CSMD1: variants seen among roughly 807,000 people sequenced by gnomAD.
The protein encoded by CSMD1 is CUB and Sushi multiple domains 1, also known as CUB and sushi domain-containing protein 1.
Under a neutral mutation model 417.5 loss-of-function variants are expected in CSMD1, and 213 were observed. That is an observed-to-expected ratio of 0.51 (90% CI 0.46 to 0.57). CSMD1 has a LOEUF of 0.57. CSMD1 is among the 20% of genes least tolerant of loss of function. The probability of loss-of-function intolerance (pLI) is 0.00; values close to 1 mark genes in which losing one functional copy is unlikely to be tolerated. For missense variants in CSMD1, 6,923 were observed against 4,529.7 expected, an observed-to-expected ratio of 1.53 and a Z score of -15.17; for synonymous variants, 2,862 against 1,736.8, an observed-to-expected ratio of 1.65 and a Z score of -16.11.
intron 40 of CSMD1, among the ~76,000 whole-genome samples, chr8:3,151,030 C>T (rs1043103180): frequency 2.6e-5 from 4 of 152,054 alleles, no homozygotes; most frequent in South Asian, 4.2e-4. Flanking sequence ...TTTAAAAAGC[C>T]TTCAGAATTA....
At chr8:4,396,025 T>A (rs1445703199) in intron 3 of CSMD1, among the ~76,000 whole-genome samples, 1 of 152,194 alleles carries the variant, frequency 6.6e-6, no homozygotes, top group African/African-American at 2.4e-5. Flanking sequence ...TTGTTCTAAT[T>A]CTATAGAAGG....
rs755657382 is a variant in CSMD1 at position 3,142,500 on chromosome 8, G to A, written c.6206C>T (p.Ser2069Leu). ...ETLIHFYSDH[S>L]QNRQGFKLAY... ...AAGTTTAAATCCTTGCCGGTTTTGC[G>A]AATGGTCACTATAAAAGTGGATGAG... Residue 2069 changes from serine to leucine, a missense_variant, in exon 41 of 70, where the codon TCG (serine) becomes TTG (leucine). Physicochemically the swap from Ser to Leu is moderately radical, Grantham distance 145. Coordinates refer to ENST00000635120, the MANE Select transcript of CSMD1 (RefSeq NM_033225.6). 2 of 1,613,920 alleles carry A rather than the reference G, an allele frequency of 1.2e-6. No homozygotes were observed. The highest frequency in any genetic ancestry group is 2.2e-5 in the East Asian group (1 of 44,876).
chr8:3,680,545 A>G (rs1434463183), intron 7 of CSMD1, among the ~76,000 whole-genome samples: 1 of 152,202 alleles, frequency 6.6e-6, no homozygotes, highest in Non-Finnish European at 1.5e-5. Context: ...GTAATAATTA[A>G]TAGCTTACCA....
intron 3 of CSMD1, among the ~76,000 whole-genome samples, chr8:4,272,644 T>A (rs894517721): frequency 1.1e-4 from 17 of 152,338 alleles, no homozygotes; most frequent in African/African-American, 4.1e-4. Flanking sequence ...AATAATTGCA[T>A]TCTTCCTAAC....
chr8:3,248,963 G>A (rs879419889), intron 26 of CSMD1, among the ~76,000 whole-genome samples: 4 of 151,864 alleles, frequency 2.6e-5, no homozygotes, highest in Admixed American at 2.0e-4. Context: ...ACTCCACCTC[G>A]GTCTGCTTTT....
At chr8:3,514,708 G>C (rs139817213) in intron 10 of CSMD1, among the ~76,000 whole-genome samples, 4 of 151,978 alleles carry the variant, frequency 2.6e-5, no homozygotes, top group African/African-American at 9.6e-5. Context: ...ATCATTTGAA[G>C]CTGAACCATG....
chr8:3,060,264 G>C (rs1445003693), intron 49 of CSMD1, among the ~76,000 whole-genome samples: 1 of 151,162 alleles, frequency 6.6e-6, no homozygotes, highest in Non-Finnish European at 1.5e-5. Flanking sequence ...TCCTGTCTCA[G>C]CCTCCTGAGT....
chr8:4,000,310 G>C (rs1290729767), intron 4 of CSMD1, among the ~76,000 whole-genome samples: 1 of 152,346 alleles, frequency 6.6e-6, no homozygotes, highest in Non-Finnish European at 1.5e-5. Context: ...CAACTGCCCA[G>C]CTCGCCACAG....
intron 3 of CSMD1, among the ~76,000 whole-genome samples, chr8:4,393,951 T>A (rs1223800415): frequency 2.0e-5 from 3 of 152,228 alleles, no homozygotes; most frequent in Non-Finnish European, 4.4e-5. Context: ...GTGTTTCAGG[T>A]ATTAACGCAG....
intron 30 of CSMD1, 63 bp downstream of exon 30, chr8:3,214,434 C>T: frequency 1.5e-6 from 2 of 1,351,134 alleles, no homozygotes; most frequent in Non-Finnish European, 1.0e-6. Flanking sequence ...ACCATTTCTT[C>T]AATGAGATGC....
chr8:3,200,197 A>C (rs1398904976), intron 32 of CSMD1, among the ~76,000 whole-genome samples: 2 of 152,092 alleles, frequency 1.3e-5, no homozygotes, highest in Non-Finnish European at 2.9e-5. Flanking sequence ...ACTGAATCCA[A>C]AGATGATTTT....
Position 4,538,764 on chromosome 8 carries a change from G to A in CSMD1, c.302+98578C>T, listed in dbSNP as rs558211872. ...TTATTTGATGAAGGGATTTGATGAA[G>A]TTAGTGTTTACCCATTTTACAGATA... On this transcript the variant is annotated intron_variant, in intron 2 of 69. Coordinates refer to ENST00000635120, the MANE Select transcript of CSMD1 (RefSeq NM_033225.6). 3.3e-5 allele frequency among the ~76,000 whole-genome samples: 5 copies of A among 152,314 alleles called. No homozygotes were observed. The South Asian group carries it at 1.0e-3, about 32-fold the overall frequency.
At chr8:4,786,254 A>G (rs888261918) in intron 1 of CSMD1, among the ~76,000 whole-genome samples, 7 of 152,228 alleles carry the variant, frequency 4.6e-5, no homozygotes, top group African/African-American at 1.7e-4. Flanking sequence ...ATATCCATTT[A>G]GGACTATTTT....
chr8:3,112,559 A>G (rs1437992653), intron 42 of CSMD1, among the ~76,000 whole-genome samples: 3 of 152,222 alleles, frequency 2.0e-5, no homozygotes, highest in Non-Finnish European at 2.9e-5. Flanking sequence ...TGATTTATCT[A>G]TCAAATTCAA....
intron 5 of CSMD1, among the ~76,000 whole-genome samples, chr8:3,756,374 G>C (rs1038617129): frequency 6.6e-6 from 1 of 151,160 alleles, no homozygotes; most frequent in Non-Finnish European, 1.5e-5. Context: ...AAAATCATTA[G>C]TTTCTTTGTA....
chr8:3,889,695 G>C (rs1289198588), intron 5 of CSMD1, among the ~76,000 whole-genome samples: 1 of 151,212 alleles, frequency 6.6e-6, no homozygotes, highest in Admixed American at 6.6e-5. Context: ...ACTCAACCTG[G>C]ACTTCCTATA....
At chr8:4,836,190 G>C (rs1359178342) in intron 1 of CSMD1, among the ~76,000 whole-genome samples, 1 of 152,132 alleles carries the variant, frequency 6.6e-6, no homozygotes, top group Non-Finnish European at 1.5e-5. Flanking sequence ...ATTGTGAATT[G>C]ATTCAGGCAT....
chr8:4,244,259 G>C (rs561919940), intron 3 of CSMD1, among the ~76,000 whole-genome samples: 1 of 152,124 alleles, frequency 6.6e-6, no homozygotes, highest in Non-Finnish European at 1.5e-5. Flanking sequence ...AGAGCACAGG[G>C]GCACTGAGAG....
At chr8:3,177,248 G>C (rs1382766879) in intron 37 of CSMD1, among the ~76,000 whole-genome samples, 2 of 152,142 alleles carry the variant, frequency 1.3e-5, no homozygotes, top group Admixed American at 6.6e-5. Context: ...CAGACGCATG[G>C]GGAGTGTGCC....
Sources: gnomAD v4.1 joint callset for allele counts (sites outside exome capture counted in the v4.1 genomes callset) on GRCh38, gnomAD v4.1.1 for gene constraint, MANE v1.5 for transcripts, NCBI Gene and HGNC (gene_info 2026-07-23, HGNC 2026-07-21) for gene names.